The following FSD2 variants were observed in gnomAD, a reference collection of about 807,000 sequenced individuals.
The protein encoded by FSD2 is fibronectin type III and SPRY domain containing 2.
Under a neutral mutation model 80.4 loss-of-function variants are expected in FSD2, and 71 were observed. The ratio of observed to expected loss-of-function variants is 0.88; its 90% CI spans 0.73 to 1.08. The LOEUF is 1.08. Ranked by LOEUF, FSD2 falls within the 50% of genes least tolerant of loss-of-function variation. The pLI, the probability that FSD2 is intolerant of heterozygous loss-of-function variation, is 0.00. For synonymous variants in FSD2, 361 were observed against 329.5 expected, an observed-to-expected ratio of 1.10 and a Z score of -1.03; for missense variants, 923 against 913.8, an observed-to-expected ratio of 1.01 and a Z score of -0.13.
intron 1 of FSD2, among the ~76,000 whole-genome samples, chr15:82,787,731 C>A (rs1272370490): frequency 6.6e-6 from 1 of 150,804 alleles, no homozygotes; most frequent in East Asian, 1.9e-4. Context: ...AAAAAAAAAA[C>A]TTAAAAGGCA....
rs1268602128 is a variant in FSD2 at position 82,786,797 on chromosome 15, C to A, written c.594G>T (p.Lys198Asn). ...CATTGAGTGGGATCACTTCATGCTC[C>A]TTATGTTCATCAAAAACCTTCTGAA... ...RAFQKVFDEH[K>N]EHEVIPLNEA... The change falls in exon 2 of 13, where the codon AAG (lysine) becomes AAT (asparagine). Residue 198 changes from lysine to asparagine, a missense_variant. Coordinates refer to ENST00000334574, the MANE Select transcript of FSD2 (RefSeq NM_001007122.4). 6.2e-7 allele frequency: 1 copy of A among 1,613,878 alleles called. No homozygotes were observed. The highest frequency in any genetic ancestry group is 8.5e-7 in the Non-Finnish European group (1 of 1,179,900).
At chr15:82,778,126 C>A (rs867004501) in intron 6 of FSD2, among the ~76,000 whole-genome samples, 144 of 21,664 alleles carry the variant, frequency 6.6e-3, no homozygotes, top group Middle Eastern at 0.05. Flanking sequence ...CACAAAAAAA[C>A]CATATATATA....
intron 1 of FSD2, among the ~76,000 whole-genome samples, chr15:82,797,593 G>A (rs973642545): frequency 2.0e-5 from 3 of 152,130 alleles, no homozygotes; most frequent in Admixed American, 1.3e-4. Flanking sequence ...GGCAGATCAT[G>A]AGGTCAGGAG....
chr15:82,797,561 A>G (rs1009782115), intron 1 of FSD2, among the ~76,000 whole-genome samples: 3 of 152,256 alleles, frequency 2.0e-5, no homozygotes, highest in Non-Finnish European at 1.5e-5. Context: ...CTGTAATCCC[A>G]ACACTTTGGG....
chr15:82,756,932 G>T lies in FSD2; in HGVS notation c.*2416C>A, dbSNP rs1301061149. On this transcript the variant is annotated 3_prime_UTR_variant, in exon 13 of 13. Coordinates refer to ENST00000334574, the MANE Select transcript of FSD2 (RefSeq NM_001007122.4). ...TATCAGCAGGTTGCAGGTGAACATG[G>T]CCTTGAGGTAAATCTGTCCCTTGCT... The T allele has an allele frequency of 3.3e-5, 5 of 152,178 alleles. No homozygotes were observed. The highest frequency in any genetic ancestry group is 1.2e-4 in the African/African-American group (5 of 41,446). 9.4% of individuals were successfully genotyped at this position (152,178 alleles called of 1,614,324 possible).
intron 9 of FSD2, among the ~76,000 whole-genome samples, chr15:82,767,673 C>G (rs909619217): frequency 3.9e-5 from 6 of 152,158 alleles, no homozygotes; most frequent in African/African-American, 1.4e-4. Context: ...GAAACCTGAA[C>G]CATTAGGATG....
At chr15:82,763,190 T>C (rs1021843094) in intron 11 of FSD2, among the ~76,000 whole-genome samples, 1 of 152,236 alleles carries the variant, frequency 6.6e-6, no homozygotes, top group African/African-American at 2.4e-5. Flanking sequence ...AAAAGTCATA[T>C]TCCCACCCCT....
chr15:82,800,120 G>A (rs993041065), intron 1 of FSD2, among the ~76,000 whole-genome samples: 1 of 152,112 alleles, frequency 6.6e-6, no homozygotes, highest in African/African-American at 2.4e-5. Flanking sequence ...TCTGCCCTGC[G>A]TCCTCAGAGA....
intron 12 of FSD2, among the ~76,000 whole-genome samples, chr15:82,761,901 A>C (rs1567297374): frequency 1.3e-5 from 2 of 152,108 alleles, no homozygotes; most frequent in Non-Finnish European, 2.9e-5. Flanking sequence ...ATTCTCCATA[A>C]ATTTTAGCTA....
chr15:82,775,000 G>A (rs550955224), intron 6 of FSD2, among the ~76,000 whole-genome samples: 2 of 151,934 alleles, frequency 1.3e-5, no homozygotes, highest in South Asian at 2.1e-4. Flanking sequence ...GATTACAGGC[G>A]TGAGCCACCG....
In FSD2 at chr15:82,757,606, A is replaced by G. The variant is rs1310537170; in HGVS notation, c.*1742T>C. ...CTTGGCCCCCCAAAGTGCTGGGATT[A>G]CAGGCGTGAGCCACCGCGCCCGGCC... On this transcript the variant is annotated 3_prime_UTR_variant, in exon 13 of 13. Coordinates refer to ENST00000334574, the MANE Select transcript of FSD2 (RefSeq NM_001007122.4). 1 of 152,260 alleles carries G rather than the reference A, an allele frequency of 6.6e-6. No individual in the cohort carries two copies. The highest frequency in any genetic ancestry group is 1.5e-5 in the Non-Finnish European group (1 of 68,102). The allele number at this position is 152,260 out of a possible 1,614,324, so 9.4% of individuals were successfully genotyped here. A position where few individuals can be genotyped will look rare whatever the true frequency, so the allele number is the denominator to read the frequency against.
rs780329755 is a variant in FSD2 at position 82,768,916 on chromosome 15, G to A, written c.1517C>T (p.Thr506Ile). 13 of 1,583,766 alleles carry A rather than the reference G, an allele frequency of 8.2e-6. No homozygotes were observed. The highest frequency in any genetic ancestry group is 1.8e-5 in the Admixed American group (1 of 56,470). The change falls in exon 9 of 13, where the codon ACC becomes ATC. Residue 506 changes from threonine to isoleucine, a missense_variant. Physicochemically the swap from Thr to Ile is moderately conservative, Grantham distance 89 (BLOSUM62 -1). Coordinates refer to ENST00000334574, the MANE Select transcript of FSD2 (RefSeq NM_001007122.4). ...CGAGGCTTCTGGACTTTCAGCCTGGGTCAGCTCCACAGTGTACGAGTCCAC... is the reference window on the plus strand; with the variant it reads ...CGAGGCTTCTGGACTTTCAGCCTGGATCAGCTCCACAGTGTACGAGTCCAC... ...NPVDSYTVEL[T>I]QAESPEASGV...
intron 1 of FSD2, among the ~76,000 whole-genome samples, chr15:82,799,689 A>G (rs1383637479): frequency 6.6e-6 from 1 of 152,144 alleles, no homozygotes; most frequent in Non-Finnish European, 1.5e-5. Context: ...GCTGCCTGTT[A>G]GTGGGGTGTC....
chr15:82,797,714 G>A (rs2050311013), intron 1 of FSD2, among the ~76,000 whole-genome samples: 1 of 152,106 alleles, frequency 6.6e-6, no homozygotes, highest in Non-Finnish European at 1.5e-5. Context: ...GGAGGCTGAG[G>A]CAGGAGAATG....
intron 7 of FSD2, 24 bp downstream of exon 7, chr15:82,772,043 AGCACGG>A (rs1476679789): frequency 6.6e-7 from 1 of 1,521,766 alleles, no homozygotes; most frequent in South Asian, 1.4e-5. Flanking sequence ...TGTTCCCATG[AGCACGG>A]GCATGTTCCT....
At chr15:82,795,842 A>G (rs559015040) in intron 1 of FSD2, among the ~76,000 whole-genome samples, 75 of 152,024 alleles carry the variant, frequency 4.9e-4, no homozygotes, top group African/African-American at 1.7e-3. Context: ...AAAAAAAAAA[A>G]AAGTATTAGA....
intron 1 of FSD2, among the ~76,000 whole-genome samples, chr15:82,789,166 G>A (rs888178419): frequency 2.0e-5 from 3 of 152,036 alleles, no homozygotes; most frequent in African/African-American, 7.2e-5. Context: ...ATGATTAGGA[G>A]AAGGGCTAAG....
At chr15:82,774,436 A>G (rs1164830342) in intron 6 of FSD2, among the ~76,000 whole-genome samples, 1 of 152,174 alleles carries the variant, frequency 6.6e-6, no homozygotes, top group East Asian at 1.9e-4. Flanking sequence ...AAGTTTTCTC[A>G]TTTAATTCTT....
At chr15:82,786,091 G>C (rs745646310) in intron 3 of FSD2, among the ~76,000 whole-genome samples, 11 of 152,044 alleles carry the variant, frequency 7.2e-5, no homozygotes, top group Admixed American at 2.0e-4. Context: ...ATTCGAATAA[G>C]GGTCTAAATC....
Sources: gnomAD v4.1 joint callset for allele counts (sites outside exome capture counted in the v4.1 genomes callset) on GRCh38, gnomAD v4.1.1 for gene constraint, MANE v1.5 for transcripts, NCBI Gene and HGNC (gene_info 2026-07-23, HGNC 2026-07-21) for gene names.